MAML2: variants seen among roughly 807,000 people sequenced by gnomAD.
MAML2 encodes mastermind like transcriptional coactivator 2, also known as mastermind-like protein 2.
In MAML2, 22 loss-of-function variants were observed where a neutral mutation model predicts 96.1. The observed-to-expected ratio is 0.23, with a 90% CI of 0.16 to 0.33. The LOEUF (loss-of-function observed/expected upper bound fraction) is 0.33, where lower values mean the gene tolerates loss of function less well. MAML2 is among the 10% of genes least tolerant of loss of function. The pLI, the probability that MAML2 is intolerant of heterozygous loss-of-function variation, is 1.00. For synonymous variants in MAML2, 561 were observed against 521.3 expected (o/e 1.08, Z -1.04); for missense variants, 1,367 against 1,392.4 (o/e 0.98, Z 0.29).
intron 2 of MAML2, among the ~76,000 whole-genome samples, chr11:96,057,568 A>T (rs144823374): frequency 0.013 from 2,038 of 152,358 alleles, 45 homozygotes; most frequent in African/African-American, 0.046. Flanking sequence ...TAATCTTTTT[A>T]AAAAGTATGC....
chr11:96,256,430 C>G (rs951157591), intron 1 of MAML2, among the ~76,000 whole-genome samples: 2 of 152,142 alleles, frequency 1.3e-5, no homozygotes, highest in Non-Finnish European at 2.9e-5. Context: ...CCACACACAG[C>G]CTTTGCTCTT....
intron 3 of MAML2, among the ~76,000 whole-genome samples, chr11:95,990,173 C>G (rs139495586): frequency 2.6e-5 from 4 of 152,170 alleles, no homozygotes; most frequent in Non-Finnish European, 5.9e-5. Context: ...AAAAAGTATA[C>G]TTTTTTCTCT....
chr11:96,126,893 G>A (rs1186264062), intron 1 of MAML2, among the ~76,000 whole-genome samples: 1 of 144,728 alleles, frequency 6.9e-6, no homozygotes, highest in Non-Finnish European at 1.5e-5. Flanking sequence ...GACAGTGCAT[G>A]TGGTATGGAC....
At chr11:96,287,237 T>C (rs1431228091) in intron 1 of MAML2, among the ~76,000 whole-genome samples, 1 of 152,222 alleles carries the variant, frequency 6.6e-6, no homozygotes, top group African/African-American at 2.4e-5. Flanking sequence ...ATGTATTTGA[T>C]TAATAACGTC....
chr11:96,042,906 G>C (rs1031823200), intron 2 of MAML2, among the ~76,000 whole-genome samples: 1 of 151,810 alleles, frequency 6.6e-6, no homozygotes, highest in Admixed American at 6.6e-5. Flanking sequence ...CACCACACCC[G>C]GCTAATTTTT....
At position 96,003,106 on chromosome 11, in the gene MAML2, G is replaced by A. The variant is rs117881673; in HGVS notation, c.2140-11383C>T. Among the ~76,000 whole-genome samples the A allele has an allele frequency of 4.2e-3, 619 of 148,586 alleles. 9 individuals are homozygous for A. The East Asian group carries it at 0.047, about 11-fold the overall frequency. On this transcript the variant is annotated intron_variant, in intron 2 of 4. Transcript: ENST00000524717. ...GGATGATGGGGATGATGAGGATGAT[G>A]GGGATGATGAAGATGATTATGGGGA...
At chr11:96,000,687 C>T (rs578096122) in intron 2 of MAML2, among the ~76,000 whole-genome samples, 2 of 152,232 alleles carry the variant, frequency 1.3e-5, no homozygotes, top group African/African-American at 4.8e-5. Flanking sequence ...ACAGCAGGAA[C>T]TAAAAAACAA....
intron 1 of MAML2, among the ~76,000 whole-genome samples, chr11:96,312,573 T>A (rs1434972369): frequency 6.6e-6 from 1 of 152,220 alleles, no homozygotes; most frequent in Non-Finnish European, 1.5e-5. Context: ...GAACAATAGT[T>A]GTTTGACAAT....
intron 2 of MAML2, among the ~76,000 whole-genome samples, chr11:96,064,343 C>T (rs1859213079): frequency 6.6e-6 from 1 of 152,216 alleles, no homozygotes; most frequent in South Asian, 2.1e-4. Context: ...GTTCACTGGT[C>T]ATGTCTCCTC....
Position 96,185,407 on chromosome 11 carries a change from C to T in MAML2, c.514-91890G>A, listed in dbSNP as rs544469640. Reference sequence around the variant, plus strand: ...TGTTTCCAATATGTTTTCACAGGTGCTAGCATAGGAGGGCAGTGTTTTCCA... The same window carrying T: ...TGTTTCCAATATGTTTTCACAGGTGTTAGCATAGGAGGGCAGTGTTTTCCA... On this transcript the variant is annotated intron_variant, in intron 1 of 4. Transcript: ENST00000524717. 1.0e-3 allele frequency among the ~76,000 whole-genome samples: 159 copies of T among 152,270 alleles called. 1 individual carries two copies. The highest frequency in any genetic ancestry group is 2.0e-3 in the Non-Finnish European group (134 of 68,030).
chr11:96,228,065 G>A (rs926799864), intron 1 of MAML2, among the ~76,000 whole-genome samples: 1 of 152,314 alleles, frequency 6.6e-6, no homozygotes, highest in Admixed American at 6.5e-5. Context: ...CAGTGCCACT[G>A]CACTCCAGCC....
At chr11:96,290,698 A>C (rs1863196724) in intron 1 of MAML2, among the ~76,000 whole-genome samples, 1 of 152,258 alleles carries the variant, frequency 6.6e-6, no homozygotes, top group Non-Finnish European at 1.5e-5. Flanking sequence ...TTCGAAAATT[A>C]GAATGAAAAC....
rs201853072 is a variant in MAML2, at chr11:96,178,037, AAT to A, written c.514-84522_514-84521del. On this transcript the variant is annotated intron_variant, in intron 1 of 4. Coordinates refer to ENST00000524717, the MANE Select transcript of MAML2 (RefSeq NM_032427.4). ...TTTGTACTCTTTAACTTAAAAAAAAAATAAATATCACAATTCATATAAGCGTT... is the reference window on the plus strand; with the variant it reads ...TTTGTACTCTTTAACTTAAAAAAAAAAAATATCACAATTCATATAAGCGTT... Among the ~76,000 whole-genome samples the A allele has an allele frequency of 1.7e-3, 241 of 145,400 alleles. 1 individual carries two copies. The highest frequency in any genetic ancestry group is 8.3e-3 in the East Asian group (41 of 4,950).
chr11:96,012,822 T>G (rs1858286593), intron 2 of MAML2, among the ~76,000 whole-genome samples: 1 of 152,204 alleles, frequency 6.6e-6, no homozygotes, highest in Non-Finnish European at 1.5e-5. Flanking sequence ...GCACCATGCT[T>G]TGACAAGCAA....
chr11:96,272,621 CA>C (rs1433045821), intron 1 of MAML2, among the ~76,000 whole-genome samples: 17 of 152,250 alleles, frequency 1.1e-4, no homozygotes, highest in Non-Finnish European at 2.1e-4. Flanking sequence ...AGGCTGGAAA[CA>C]TAAGGAAGTT....
At chr11:96,216,061 T>C (rs2135942542) in intron 1 of MAML2, among the ~76,000 whole-genome samples, 1 of 152,230 alleles carries the variant, frequency 6.6e-6, no homozygotes, top group African/African-American at 2.4e-5. Context: ...GAGTATTTAG[T>C]ATCATATTTG....
chr11:96,039,368 G>A (rs1456903117), intron 2 of MAML2, among the ~76,000 whole-genome samples: 1 of 140,470 alleles, frequency 7.1e-6, no homozygotes, highest in African/African-American at 2.6e-5. Flanking sequence ...AGAGGGGAGG[G>A]GGATAAGGGA....
In MAML2 at chr11:96,092,998, C is replaced by T. The variant is rs773027008; in HGVS notation, c.1033G>A (p.Gly345Ser). ...GGTGTGCTCCTCTGGCTTTGCTGAC[C>T]CAAGTCAATGTTAAATGGGTCATCC... The part of the protein sequence containing the change: ...KQDDPFNIDL[G>S]QQSQRSTPRP... The change falls in exon 2 of 5, where the codon GGT becomes AGT. Residue 345 changes from glycine to serine, a missense_variant. Transcript: ENST00000524717. The surrounding 1 kb of genome is among the most constrained non-coding windows in gnomAD (Gnocchi z 4.1). The T allele has an allele frequency of 1.9e-6, 3 of 1,613,894 alleles. No homozygotes were observed. The highest frequency in any genetic ancestry group is 2.5e-6 in the Non-Finnish European group (3 of 1,179,872).
chr11:96,122,078 C>T (rs1253194359), intron 1 of MAML2, among the ~76,000 whole-genome samples: 2 of 145,138 alleles, frequency 1.4e-5, no homozygotes, highest in Admixed American at 7.0e-5. Context: ...CCAAAGTGCT[C>T]GGATTACAGG....
Sources: allele counts gnomAD v4.1 joint callset (sites outside exome capture counted in the v4.1 genomes callset), GRCh38; gene constraint gnomAD v4.1.1; non-coding constraint Gnocchi (gnomAD v3.1); transcripts MANE v1.5; gene names NCBI Gene and HGNC (gene_info 2026-07-23, HGNC 2026-07-21).